The following ERAP1 variants were observed in gnomAD, a reference collection of about 807,000 sequenced individuals.
The protein encoded by ERAP1 is endoplasmic reticulum aminopeptidase 1.
In ERAP1, 86 loss-of-function variants were observed where a neutral mutation model predicts 103.7. The ratio of observed to expected loss-of-function variants is 0.83; its 90% CI spans 0.70 to 0.99. The LOEUF (loss-of-function observed/expected upper bound fraction) is 0.99. Among genes scored for constraint, ERAP1 ranks in the 50% least tolerant of loss-of-function variants. The pLI is 0.00. For missense variants in ERAP1, 1,009 were observed against 1,128.4 expected, an observed-to-expected ratio of 0.89 and a Z score of 1.52; for synonymous variants, 398 against 402.4, an observed-to-expected ratio of 0.99 and a Z score of 0.13.
rs1380617597 is a variant in ERAP1 at position 96,776,281 on chromosome 5, T to C, written c.*115A>G. The C allele has an allele frequency of 2.0e-6, 3 of 1,532,956 alleles. No individual in the cohort carries two copies. The highest frequency in any genetic ancestry group is 2.3e-5 in the East Asian group (1 of 43,806). The allele number at this position is 1,532,956 out of a possible 1,614,324, so 95.0% of individuals were successfully genotyped here. Reference sequence around the variant, plus strand: ...TTCACAGGGATAGTCAAAAAATGAGTTGAAGGGAAAAAAGTATCTCCAGTT... The same window carrying C: ...TTCACAGGGATAGTCAAAAAATGAGCTGAAGGGAAAAAAGTATCTCCAGTT... On this transcript the variant is annotated 3_prime_UTR_variant, in exon 19 of 19. Transcript: ENST00000443439.
the ERAP1 span, among the ~76,000 whole-genome samples, chr5:96,932,459 A>G: frequency 4.6e-4 from 70 of 152,216 alleles, no homozygotes; most frequent in South Asian, 8.3e-4. Context: ...AATAGATGAA[A>G]TTAGCTATAT....
chr5:96,768,506 T>A (rs1316210473), intron 19 of ERAP1: 1 of 405,924 alleles, frequency 2.5e-6, no homozygotes, highest in Non-Finnish European at 4.8e-6. Context: ...GATTTCCTTT[T>A]TTTTCTATAT....
chr5:96,892,261 A>G, the ERAP1 span: 3 of 1,605,828 alleles, frequency 1.9e-6, no homozygotes, highest in Non-Finnish European at 2.6e-6. Context: ...CTGGTGTGGG[A>G]GCCATAAAAC....
the ERAP1 span, among the ~76,000 whole-genome samples, chr5:96,883,253 G>C: frequency 2.1e-4 from 32 of 152,102 alleles, no homozygotes; most frequent in Non-Finnish European, 4.1e-4. Context: ...CCCTTGACTG[G>C]CTTCTCCCTT....
the ERAP1 span, chr5:96,823,109 C>T: frequency 9.2e-5 from 42 of 456,298 alleles, no homozygotes; most frequent in Middle Eastern, 6.5e-4. Flanking sequence ...GATCCCCCAG[C>T]GTGGCTGCCT....
the ERAP1 span, among the ~76,000 whole-genome samples, chr5:96,899,849 A>T: frequency 6.6e-6 from 1 of 152,214 alleles, no homozygotes; most frequent in Non-Finnish European, 1.5e-5. Flanking sequence ...AATTCAACAA[A>T]TTGATTCTTC....
intron 2 of ERAP1, 54 bp from the exon 3 acceptor site, chr5:96,801,054 A>G: frequency 6.3e-7 from 1 of 1,597,328 alleles, no homozygotes; most frequent in Non-Finnish European, 8.6e-7. Flanking sequence ...AGGAACTCTA[A>G]AACAGGTGTT....
the ERAP1 span, chr5:96,879,789 GTT>G: frequency 6.2e-7 from 1 of 1,614,188 alleles, no homozygotes; most frequent in East Asian, 2.2e-5. Context: ...ATATGCATTT[GTT>G]CTCAGTTCTC....
At chr5:96,817,774 A>T in the ERAP1 span, among the ~76,000 whole-genome samples, 3 of 152,214 alleles carry the variant, frequency 2.0e-5, no homozygotes, top group Admixed American at 1.3e-4. Context: ...ATCTTTCCCC[A>T]CAAAATGAAT....
the ERAP1 span, chr5:96,814,356 G>A: frequency 2.2e-6 from 1 of 455,952 alleles, no homozygotes; most frequent in Non-Finnish European, 4.4e-6. Context: ...CAGGAGGCAA[G>A]GATCATGGGG....
the ERAP1 span, chr5:96,902,830 A>G: frequency 6.5e-6 from 1 of 155,014 alleles, no homozygotes; most frequent in South Asian, 2.0e-4. Flanking sequence ...AGTTGTTGAG[A>G]GAATATTATA....
the ERAP1 span, among the ~76,000 whole-genome samples, chr5:96,928,890 G>T: frequency 6.6e-6 from 1 of 152,184 alleles, no homozygotes. Context: ...CTCATGAGAT[G>T]GGTAAGAGGG....
chr5:96,900,367 T>C, the ERAP1 span: 1 of 939,750 alleles, frequency 1.1e-6, no homozygotes, highest in Admixed American at 3.2e-5. Flanking sequence ...AGGGGGACAA[T>C]GCTGTTGCTA....
chr5:96,933,211 C>CTTTTTTTT, the ERAP1 span, among the ~76,000 whole-genome samples: 40 of 72,802 alleles, frequency 5.5e-4, 1 homozygote, highest in Middle Eastern at 0.018. Context: ...AAAACCACGT[C>CTTTTTTTT]TTTTTTTTTT....
chr5:96,866,559 T>C, the ERAP1 span, among the ~76,000 whole-genome samples: 1 of 152,172 alleles, frequency 6.6e-6, no homozygotes, highest in Admixed American at 6.5e-5. Flanking sequence ...AGGGCCTGAG[T>C]TGTTTTTCTG....
At chr5:96,831,025 G>A in the ERAP1 span, among the ~76,000 whole-genome samples, 1 of 152,142 alleles carries the variant, frequency 6.6e-6, no homozygotes, top group Non-Finnish European at 1.5e-5. Flanking sequence ...TTCTCACATT[G>A]CTATAAAGGA....
chr5:96,834,235 C>T, the ERAP1 span, among the ~76,000 whole-genome samples: 1 of 152,220 alleles, frequency 6.6e-6, no homozygotes, highest in Non-Finnish European at 1.5e-5. Context: ...AAATTAATTT[C>T]CTTCTTGCCA....
the ERAP1 span, chr5:96,895,154 T>TA: frequency 0.42 from 283,189 of 674,940 alleles, 55,500 homozygotes; most frequent in Middle Eastern, 0.59. Flanking sequence ...TCCTAACTAA[T>TA]AAAAAAAAAG....
chr5:96,802,767 T>C (rs1778140011), intron 2 of ERAP1, among the ~76,000 whole-genome samples: 1 of 152,146 alleles, frequency 6.6e-6, no homozygotes, highest in Non-Finnish European at 1.5e-5. Flanking sequence ...ACAAGTATCA[T>C]GGAGTGAAGA....
Sources: gnomAD v4.1 joint callset for allele counts (sites outside exome capture counted in the v4.1 genomes callset) on GRCh38, gnomAD v4.1.1 for gene constraint, MANE v1.5 for transcripts, NCBI Gene and HGNC (gene_info 2026-07-23, HGNC 2026-07-21) for gene names.